ASXL1: variants seen among roughly 807,000 people sequenced by gnomAD.
ASXL1 encodes ASXL transcriptional regulator 1, also known as polycomb group protein ASXL1.
Under a neutral mutation model 89.1 loss-of-function variants are expected in ASXL1, and 65 were observed. The observed-to-expected ratio is 0.73, with a 90% CI of 0.60 to 0.90. The LOEUF (loss-of-function observed/expected upper bound fraction) is 0.90, where lower values mean the gene tolerates loss of function less well. ASXL1 is among the 40% of genes least tolerant of loss of function. The pLI is 0.00. For missense variants in ASXL1, 1,786 were observed against 1,942.9 expected, an observed-to-expected ratio of 0.92 and a Z score of 1.52; for synonymous variants, 739 against 746.9, an observed-to-expected ratio of 0.99 and a Z score of 0.17.
chr20:32,378,063 C>G (rs1215393115), intron 4 of ASXL1, among the ~76,000 whole-genome samples: 1 of 148,022 alleles, frequency 6.8e-6, no homozygotes, highest in Non-Finnish European at 1.5e-5. Context: ...GATCACAGCT[C>G]ACTGCAACCT....
Position 32,435,001 on chromosome 20 carries a change from C to T in ASXL1, c.2289C>T (p.Pro763=). Residue 763 remains proline, a synonymous_variant, in exon 13 of 13, where the codon CCC becomes CCT. Transcript: ENST00000375687. ...GGGACCAGCCATGCCAGGCCTTGCC[C>T]CTACTGTCCTCCCAAACCTCAGTAG... is the stretch of plus-strand genomic sequence containing the variant. ...PTGDQPCQAL[P]LLSSQTSVAE... is the part of the protein sequence containing the mutation. The T allele has an allele frequency of 1.2e-6, 2 of 1,614,168 alleles. No homozygotes were observed. The highest frequency in any genetic ancestry group is 1.7e-6 in the Non-Finnish European group (2 of 1,180,036).
At chr20:32,368,734 A>C (rs2048245812) in intron 3 of ASXL1, among the ~76,000 whole-genome samples, 1 of 152,180 alleles carries the variant, frequency 6.6e-6, no homozygotes, top group Non-Finnish European at 1.5e-5. Context: ...GTTTTTCTAA[A>C]TTTCTTGGAA....
chr20:32,358,806 C>T lies in ASXL1; in HGVS notation c.31C>T (p.Arg11Cys), dbSNP rs2122754952. MKDKQKKKKE[R>C]TWAEAARLVL... Reference sequence around the variant, plus strand: ...GGACAAACAGAAGAAGAAGAAGGAGCGCACGTGGGCCGAGGCCGCGCGCCT... The same window carrying T: ...GGACAAACAGAAGAAGAAGAAGGAGTGCACGTGGGCCGAGGCCGCGCGCCT... Residue 11 changes from arginine (R) to cysteine (C), a missense_variant, in exon 1 of 13, where the codon CGC becomes TGC. Physicochemically the swap from Arg to Cys is radical, Grantham distance 180. Around this residue, in one of 3 missense-constraint regions of ASXL1, gnomAD observed 332 missense variants for 449.7 expected, o/e 0.74. Transcript: ENST00000375687. The T allele has an allele frequency of 2.7e-6, 4 of 1,508,062 alleles. No individual in the cohort carries two copies. The highest frequency in any genetic ancestry group is 2.7e-6 in the Non-Finnish European group (3 of 1,127,328). The allele number at this position is 1,508,062 out of a possible 1,614,324, so 93.4% of individuals were successfully genotyped here. A position where few individuals can be genotyped will look rare whatever the true frequency, so the allele number is the denominator to read the frequency against.
rs200819171 is a variant in ASXL1, at chr20:32,430,063, G to T, written c.718+10G>T. The T allele has an allele frequency of 5.0e-6, 8 of 1,602,270 alleles. No individual in the cohort carries two copies. Among genetic ancestry groups the T allele is most frequent in the Non-Finnish European group, 6.8e-6 (8 of 1,179,534 alleles). Reference sequence around the variant, plus strand: ...CGGAAGCCAGCCACAGGTGAGTGGCGTGGCACTTATTTCTCTGCCTGTAAA... The same window carrying T: ...CGGAAGCCAGCCACAGGTGAGTGGCTTGGCACTTATTTCTCTGCCTGTAAA... On this transcript the variant is annotated intron_variant, in intron 8 of 12. Transcript: ENST00000375687.
At chr20:32,424,711 T>A (rs141243316) in intron 4 of ASXL1, among the ~76,000 whole-genome samples, 1 of 152,232 alleles carries the variant, frequency 6.6e-6, no homozygotes, top group Non-Finnish European at 1.5e-5. Flanking sequence ...TCGTTTCTCT[T>A]GTCATTAAAT....
chr20:32,379,156 T>C, intron 4 of ASXL1, among the ~76,000 whole-genome samples: 1 of 131,218 alleles, frequency 7.6e-6, no homozygotes, highest in Admixed American at 8.3e-5. Context: ...AGGTATAACT[T>C]CAGTCTTTTT....
chr20:32,375,452 A>G (rs2048361485), intron 4 of ASXL1, among the ~76,000 whole-genome samples: 1 of 151,386 alleles, frequency 6.6e-6, no homozygotes, highest in Admixed American at 6.6e-5. Flanking sequence ...TGGTCTCAAA[A>G]AAAAAAAAGA....
chr20:32,427,985 A>T (rs1333561303), intron 4 of ASXL1, 143 bp from the exon 5 acceptor site: 2 of 1,192,344 alleles, frequency 1.7e-6, no homozygotes, highest in Non-Finnish European at 2.4e-6. Context: ...GAACTTGCTG[A>T]GAAAAAGGTC....
intron 4 of ASXL1, among the ~76,000 whole-genome samples, chr20:32,393,796 C>A (rs1225144632): frequency 6.6e-6 from 1 of 151,744 alleles, no homozygotes; most frequent in African/African-American, 2.4e-5. Context: ...AGAGTTTAAA[C>A]AACCATCTTT....
Position 32,435,886 on chromosome 20 carries a change from G to A in ASXL1, c.3174G>A (p.Gly1058=). The A allele has an allele frequency of 6.2e-7, 1 of 1,614,234 alleles. No homozygotes were observed. ...GDMRLVTRTD[G]MVAPQSWVSR... ...TGCGTCTGGTTACAAGGACAGATGG[G>A]ATGGTTGCTCCTCAGAGCTGGGTGT... Residue 1058 remains glycine, a synonymous_variant, in exon 13 of 13, where the codon GGG becomes GGA. Coordinates refer to ENST00000375687, the MANE Select transcript of ASXL1 (RefSeq NM_015338.6).
intron 4 of ASXL1, among the ~76,000 whole-genome samples, chr20:32,381,513 CTT>C (rs59213941): frequency 1.3e-4 from 17 of 131,330 alleles, no homozygotes; most frequent in Admixed American, 2.3e-4. Context: ...TTACCAAAAT[CTT>C]TTTTTTTTTT....
intron 3 of ASXL1, among the ~76,000 whole-genome samples, chr20:32,368,620 A>G (rs2048243856): frequency 1.3e-5 from 2 of 152,186 alleles, no homozygotes; most frequent in South Asian, 4.1e-4. Context: ...GCAGTTTCTG[A>G]GTATGATATG....
intron 4 of ASXL1, among the ~76,000 whole-genome samples, chr20:32,395,246 C>T (rs1433617516): frequency 6.6e-6 from 1 of 152,038 alleles, no homozygotes; most frequent in Non-Finnish European, 1.5e-5. Context: ...AGTACTTCCT[C>T]TTGTTTTTAG....
chr20:32,361,962 G>A (rs1343216943), intron 1 of ASXL1, among the ~76,000 whole-genome samples: 6 of 150,874 alleles, frequency 4.0e-5, no homozygotes, highest in African/African-American at 9.7e-5. Flanking sequence ...TCAGCTACTC[G>A]GGAGGCTGAG....
intron 2 of ASXL1, among the ~76,000 whole-genome samples, chr20:32,366,902 C>T (rs1276892695): frequency 6.6e-6 from 1 of 152,084 alleles, no homozygotes; most frequent in Non-Finnish European, 1.5e-5. Flanking sequence ...CTTTTTTCCC[C>T]TTACTAATTG....
At chr20:32,417,397 A>G (rs2049156469) in intron 4 of ASXL1, among the ~76,000 whole-genome samples, 1 of 152,164 alleles carries the variant, frequency 6.6e-6, no homozygotes, top group East Asian at 1.9e-4. Flanking sequence ...CAATTTCTTT[A>G]CGTTATATTC....
intron 1 of ASXL1, among the ~76,000 whole-genome samples, chr20:32,363,862 A>T (rs1464693103): frequency 6.6e-6 from 1 of 152,214 alleles, no homozygotes; most frequent in Admixed American, 6.5e-5. Flanking sequence ...AGGTATATCT[A>T]CAAATTATTG....
rs752574445 is a variant in ASXL1 at position 32,436,977 on chromosome 20, G to A, written c.4265G>A (p.Ser1422Asn). The A allele has an allele frequency of 3.7e-6, 6 of 1,614,086 alleles. No homozygotes were observed. The highest frequency in any genetic ancestry group is 2.5e-6 in the Non-Finnish European group (3 of 1,180,030). Residue 1422 changes from serine (S) to asparagine (N), a missense_variant, in exon 13 of 13, where the codon AGT becomes AAT. Physicochemically the swap from Ser to Asn is conservative, Grantham distance 46. Coordinates refer to ENST00000375687, the MANE Select transcript of ASXL1 (RefSeq NM_015338.6). The part of the protein sequence containing the change: ...KLPREPGKGL[S>N]EPLEPSSLPS... Reference sequence around the variant, plus strand: ...CCCCGAGAGCCAGGGAAGGGGCTCAGTGAGCCTCTGGAGCCTTCTTCTCTC... The same window carrying A: ...CCCCGAGAGCCAGGGAAGGGGCTCAATGAGCCTCTGGAGCCTTCTTCTCTC...
chr20:32,358,720 C>G lies in ASXL1; in HGVS notation c.-56C>G, dbSNP rs1305515889. The stretch of plus-strand genomic sequence containing the variant: ...CCGCCCCAGCCCCGCGCCACCGCCC[C>G]AGCCCGCCCAGCCCGGAGGTCCCGC... On this transcript the variant is annotated 5_prime_UTR_variant, in exon 1 of 13. Coordinates refer to ENST00000375687, the MANE Select transcript of ASXL1 (RefSeq NM_015338.6). 1 of 1,145,498 alleles carries G rather than the reference C, an allele frequency of 8.7e-7. No individual in the cohort carries two copies. The highest frequency in any genetic ancestry group is 1.2e-6 in the Non-Finnish European group (1 of 844,298). The allele number at this position is 1,145,498 out of a possible 1,614,324, so 71.0% of individuals were successfully genotyped here. A position where few individuals can be genotyped will look rare whatever the true frequency, so the allele number is the denominator to read the frequency against.
Sources: gnomAD v4.1 joint callset for allele counts (sites outside exome capture counted in the v4.1 genomes callset) on GRCh38, gnomAD v4.1.1 for gene constraint, gnomAD v4.1.1 regional missense constraint, MANE v1.5 for transcripts, NCBI Gene and HGNC (gene_info 2026-07-23, HGNC 2026-07-21) for gene names.